The following ACACB variants were observed in gnomAD, a reference collection of about 807,000 sequenced individuals.
ACACB encodes acetyl-CoA carboxylase 2.
In ACACB, 209 loss-of-function variants were observed where a neutral mutation model predicts 278.8. The observed-to-expected ratio is 0.75, with a 90% CI of 0.67 to 0.84. The LOEUF is 0.84. Among genes scored for constraint, ACACB ranks in the 40% least tolerant of loss-of-function variants. The pLI is 0.00. For synonymous variants in ACACB, 1,174 were observed against 1,285.6 expected (o/e 0.91, Z 1.86); for missense variants, 2,850 against 3,269.0 (o/e 0.87, Z 3.13).
At chr12:109,175,832 G>C (rs2044264902) in intron 7 of ACACB, 99 bp from the exon 8 acceptor site, 1 of 996,094 alleles carries the variant, frequency 1.0e-6, no homozygotes, top group African/African-American at 1.6e-5. Flanking sequence ...CAGAAGCCCA[G>C]GTCTAGCACT....
chr12:109,191,619 G>A lies in ACACB; in HGVS notation c.2151G>A (p.Met717Ile), dbSNP rs1464071620. Residue 717 changes from methionine (M) to isoleucine (I), a missense_variant, in exon 14 of 53, where the codon ATG (methionine) becomes ATA (isoleucine). This residue lies in a region of ACACB where 2,265 missense variants were observed against 2,561.3 expected (regional missense o/e 0.88). Transcript: ENST00000338432. ...GENREEAISNMVVALKELSIR... is the reference protein window; with the variant it reads ...GENREEAISNIVVALKELSIR... ...ATGTGCCTTTCCCTTCAAGGAACAT[G>A]GTGGTGGCTTTGAAGGAACTGTCCA... 11 of 1,614,020 alleles carry A rather than the reference G, an allele frequency of 6.8e-6. No individual in the cohort carries two copies. The highest frequency in any genetic ancestry group is 9.3e-6 in the Non-Finnish European group (11 of 1,180,018).
chr12:109,248,591 A>G (rs1218107706), intron 40 of ACACB, among the ~76,000 whole-genome samples: 1 of 152,190 alleles, frequency 6.6e-6, no homozygotes, highest in Non-Finnish European at 1.5e-5. Context: ...AGCATGTGAG[A>G]AAGATGAAAG....
chr12:109,267,191 T>C lies in ACACB; in HGVS notation c.*829T>C, dbSNP rs758221278. The stretch of plus-strand genomic sequence containing the variant: ...CCACCATCTTCAGCCAGATGATTTT[T>C]TTATTGAGAGAGTGAAATGCTATTT... On this transcript the variant is annotated 3_prime_UTR_variant, in exon 53 of 53. Transcript: ENST00000338432. 3.3e-5 allele frequency: 5 copies of C among 152,178 alleles called. No homozygotes were observed. Among genetic ancestry groups the C allele is most frequent in the Non-Finnish European group, 7.3e-5 (5 of 68,040 alleles). 9.4% of individuals were successfully genotyped at this position (152,178 alleles called of 1,614,324 possible). A position where few individuals can be genotyped will look rare whatever the true frequency, so the allele number is the denominator to read the frequency against.
intron 31 of ACACB, among the ~76,000 whole-genome samples, chr12:109,234,488 T>C (rs1180154401): frequency 6.6e-6 from 1 of 152,058 alleles, no homozygotes; most frequent in Non-Finnish European, 1.5e-5. Flanking sequence ...CGAGACCCTG[T>C]CTCAAAAAAA....
chr12:109,159,605 CAG>C lies in ACACB; in HGVS notation c.654-7253_654-7252del, dbSNP rs369869138. ...GCCTAGGAGGATGGCCGCAGTCTAC[CAG>C]AGTTTCTAAACTGCGGCTCTGTTGA... On this transcript the variant is annotated intron_variant, in intron 2 of 52. Transcript: ENST00000338432. Among the ~76,000 whole-genome samples, 2 of 152,250 alleles carry C rather than the reference CAG, an allele frequency of 1.3e-5. 1 individual carries two copies. The highest frequency in any genetic ancestry group is 4.8e-5 in the African/African-American group (2 of 41,540).
At chr12:109,119,946 A>C (rs1370499364) in intron 1 of ACACB, among the ~76,000 whole-genome samples, 1 of 152,214 alleles carries the variant, frequency 6.6e-6, no homozygotes, top group Non-Finnish European at 1.5e-5. Context: ...TGTTGAACTA[A>C]TTAAGCTCCA....
chr12:109,233,726 C>A lies in ACACB; in HGVS notation c.4140-22C>A. 2 of 1,608,184 alleles carry A rather than the reference C, an allele frequency of 1.2e-6. 1 individual carries two copies. Among genetic ancestry groups the A allele is most frequent in the South Asian group, 2.2e-5 (2 of 90,604 alleles). ...CATGGGTCAGCAGCCCCTCAGCCCTCCCTCTCTACCCGCACCCCCAGAAAT... is the reference window on the plus strand; with the variant it reads ...CATGGGTCAGCAGCCCCTCAGCCCTACCTCTCTACCCGCACCCCCAGAAAT... On this transcript the variant is annotated intron_variant, in intron 29 of 52. Transcript: ENST00000338432.
At chr12:109,199,198 A>T (rs1565912995) in intron 17 of ACACB, among the ~76,000 whole-genome samples, 1 of 152,074 alleles carries the variant, frequency 6.6e-6, no homozygotes, top group African/African-American at 2.4e-5. Flanking sequence ...TCAAAAAAAA[A>T]AATAAAATAA....
At chr12:109,141,108 G>T (rs949609988) in intron 2 of ACACB, among the ~76,000 whole-genome samples, 2 of 151,764 alleles carry the variant, frequency 1.3e-5, no homozygotes, top group African/African-American at 2.4e-5. Flanking sequence ...TCACCATATT[G>T]CCCAGGCTGG....
upstream of ACACB, among the ~76,000 whole-genome samples, chr12:109,115,841 C>G (rs1444334769): frequency 6.6e-6 from 1 of 152,246 alleles, no homozygotes; most frequent in Non-Finnish European, 1.5e-5. Flanking sequence ...TCTCCACTTG[C>G]TGTTTAGTAA....
rs1227035234 is a variant in ACACB at position 109,170,832 on chromosome 12, TTTTG to T, written c.926-957_926-954del. On this transcript the variant is annotated intron_variant, in intron 4 of 52. Transcript: ENST00000338432. ...CATAATTTAAAACTCTGTATTGTAT[TTTTG>T]TTTGTTTGTTTGTTTTTTGAGACAG... Among the ~76,000 whole-genome samples, 348 of 152,074 alleles carry T rather than the reference TTTTG, an allele frequency of 2.3e-3. 3 individuals are homozygous for T. Among genetic ancestry groups the T allele is most frequent in the African/African-American group, 7.9e-3 (327 of 41,492 alleles).
intron 19 of ACACB, among the ~76,000 whole-genome samples, chr12:109,203,862 G>C (rs1325876077): frequency 6.6e-6 from 1 of 152,190 alleles, no homozygotes; most frequent in Non-Finnish European, 1.5e-5. Context: ...TCGGAGCATA[G>C]TGGGTGCTCA....
intron 24 of ACACB, among the ~76,000 whole-genome samples, chr12:109,218,875 TCTC>T (rs1230047735): frequency 6.6e-6 from 1 of 151,854 alleles, no homozygotes; most frequent in Non-Finnish European, 1.5e-5. Context: ...TTCAAGCAAT[TCTC>T]CTGTCTCAGC....
At chr12:109,233,663 G>A (rs541508520) in intron 29 of ACACB, 85 bp from the exon 30 acceptor site, 27 of 1,161,744 alleles carry the variant, frequency 2.3e-5, no homozygotes, top group Middle Eastern at 4.0e-4. Flanking sequence ...AGGGTCTGGC[G>A]TTCCCTGCTG....
At chr12:109,210,193 GTATATGTA>G (rs61412146) in intron 21 of ACACB, among the ~76,000 whole-genome samples, 1,975 of 24,558 alleles carry the variant, frequency 0.08, 492 homozygotes, top group African/African-American at 0.28. Context: ...ACACACGTGT[GTATATGTA>G]TATATGTATA....
chr12:109,210,327 ATATGTATATACACGCACACACATATCTG>A (rs2045766398), intron 21 of ACACB, among the ~76,000 whole-genome samples: 2 of 115,510 alleles, frequency 1.7e-5, no homozygotes, highest in Admixed American at 8.4e-5. Context: ...ATCTGTGTAT[ATATGTATATACACGCACACACATATCTG>A]TGTATATATG....
At position 109,199,426 on chromosome 12, in the gene ACACB, G is replaced by GACAC. The variant is rs749160622; in HGVS notation, c.2654_2655insACAC (p.Cys886HisfsTer5). The GACAC allele has an allele frequency of 3.3e-6, 5 of 1,534,816 alleles. No homozygotes were observed. The South Asian group carries it at 6.4e-5, about 20-fold the overall frequency. On this transcript the variant is annotated frameshift_variant, in exon 18 of 53. Coordinates refer to ENST00000338432, the MANE Select transcript of ACACB (RefSeq NM_001093.4). LOFTEE classifies it high-confidence loss of function. ...GTTACCGAATTACCATCGGCAATAAGACGTGTGTGTTTGAGAAGGAGAACG... is the reference window on the plus strand; with the variant it reads ...GTTACCGAATTACCATCGGCAATAAGACACACGTGTGTGTTTGAGAAGGAGAACG...
At chr12:109,173,463 C>G (rs1424226650) in intron 6 of ACACB, among the ~76,000 whole-genome samples, 1 of 152,082 alleles carries the variant, frequency 6.6e-6, no homozygotes, top group Non-Finnish European at 1.5e-5. Flanking sequence ...AGTCCCATGC[C>G]CATTGACGTT....
intron 34 of ACACB, 76 bp downstream of exon 34, chr12:109,237,456 T>C (rs879333378): frequency 4.2e-5 from 61 of 1,441,888 alleles, no homozygotes; most frequent in Non-Finnish European, 5.5e-5. Flanking sequence ...CTGTGCTGGG[T>C]CCTGGGCTGC....
Sources: gnomAD v4.1 joint callset for allele counts (sites outside exome capture counted in the v4.1 genomes callset) on GRCh38, gnomAD v4.1.1 for gene constraint, gnomAD v4.1.1 regional missense constraint, MANE v1.5 for transcripts, NCBI Gene and HGNC (gene_info 2026-07-23, HGNC 2026-07-21) for gene names.